Variants in STAC2 observed in about 807,000 individuals in gnomAD.
STAC2 encodes SH3 and cysteine rich domain 2, also known as SH3 and cysteine-rich domain-containing protein 2.
STAC2 carries 36 observed loss-of-function variants against 49.0 expected under a neutral mutation model. That is an observed-to-expected ratio of 0.74 (90% CI 0.56 to 0.97). The LOEUF is 0.97. Among genes scored for constraint, STAC2 ranks in the 50% least tolerant of loss-of-function variants. The pLI is 0.00. For synonymous variants in STAC2, 239 were observed against 214.7 expected (o/e 1.11, Z -0.99); for missense variants, 527 against 543.8 (o/e 0.97, Z 0.31).
rs1352975594 is a variant in STAC2, at chr17:39,217,888, G to C, written c.376C>G (p.Leu126Val). ...CTACCTACGATGAGCTGGTGGCACA[G>C]CTCACAAGGGCTAGCTCGCTTGAAG... is the stretch of plus-strand genomic sequence containing the variant. ...HVFKRASPCELCHQLIVGNSK... is the reference protein window; with the variant it reads ...HVFKRASPCEVCHQLIVGNSK... Residue 126 changes from leucine to valine, a missense_variant, in exon 2 of 11, where the codon CTG becomes GTG. Transcript: ENST00000333461. The C allele has an allele frequency of 1.2e-6, 2 of 1,605,606 alleles. No homozygotes were observed. Among genetic ancestry groups the C allele is most frequent in the Non-Finnish European group, 1.7e-6 (2 of 1,176,784 alleles).
intron 10 of STAC2, 78 bp downstream of exon 10, chr17:39,212,917 A>AC (rs888455313): frequency 2.5e-5 from 39 of 1,566,416 alleles, no homozygotes; most frequent in South Asian, 9.3e-5. Flanking sequence ...CAGAGCATTT[A>AC]CCCCCGCACC....
chr17:39,220,532 T>C (rs1567833862), intron 1 of STAC2, among the ~76,000 whole-genome samples: 1 of 151,788 alleles, frequency 6.6e-6, no homozygotes. Context: ...TGGAGTGCAG[T>C]GGCACGATCT....
At chr17:39,223,839 G>C (rs1381037713) in intron 1 of STAC2, among the ~76,000 whole-genome samples, 1 of 152,170 alleles carries the variant, frequency 6.6e-6, no homozygotes, top group Non-Finnish European at 1.5e-5. Flanking sequence ...TCAGCTCCTA[G>C]ACCTTCTGCT....
chr17:39,225,370 C>G lies in STAC2; in HGVS notation c.90+43G>C, dbSNP rs763518634. 4 of 1,540,252 alleles carry G rather than the reference C, an allele frequency of 2.6e-6. No homozygotes were observed. Among genetic ancestry groups the G allele is most frequent in the Non-Finnish European group, 3.5e-6 (4 of 1,147,260 alleles). On this transcript the variant is annotated intron_variant, in intron 1 of 10. Coordinates refer to ENST00000333461, the MANE Select transcript of STAC2 (RefSeq NM_198993.5). This position sits in a 1 kb window ranked among gnomAD's most constrained non-coding sequence, Gnocchi z 8.2. ...GGAGGACCCCGCCGGGAAGAGGGCG[C>G]CCGGGCCCGGGGCGCGGACAGGCCT...
chr17:39,224,656 G>C (rs1005246438), intron 1 of STAC2, among the ~76,000 whole-genome samples: 2 of 152,188 alleles, frequency 1.3e-5, no homozygotes, highest in South Asian at 4.1e-4. Context: ...CATTAATTAC[G>C]ATGACTTCTC....
intron 7 of STAC2, 144 bp downstream of exon 7, chr17:39,214,647 C>G (rs2046384565): frequency 8.6e-7 from 1 of 1,167,568 alleles, no homozygotes; most frequent in Admixed American, 2.4e-5. Flanking sequence ...CCCTCTCATC[C>G]TGGCATTGCC....
chr17:39,211,716 T>G lies in STAC2; in HGVS notation c.*576A>C, dbSNP rs945830208. ...GATTCCTGCAAAACTTTCCTGAGAA[T>G]TGACGGAATGACAGAGGTGGAGACC... is the stretch of plus-strand genomic sequence containing the variant. On this transcript the variant is annotated 3_prime_UTR_variant, in exon 11 of 11. Transcript: ENST00000333461. 1.3e-5 allele frequency: 2 copies of G among 152,734 alleles called. No individual in the cohort carries two copies. Among genetic ancestry groups the G allele is most frequent in the Non-Finnish European group, 2.9e-5 (2 of 68,064 alleles). The allele number at this position is 152,734 out of a possible 1,614,324, so 9.5% of individuals were successfully genotyped here.
chr17:39,224,212 C>A (rs915249662), intron 1 of STAC2, among the ~76,000 whole-genome samples: 12 of 152,206 alleles, frequency 7.9e-5, no homozygotes, highest in Admixed American at 6.5e-4. Context: ...TGGAAAGAAG[C>A]CTAGCGAACC....
At position 39,225,511 on chromosome 17, in the gene STAC2, G is replaced by A. The variant is rs745597212; in HGVS notation, c.-9C>T. On this transcript the variant is annotated 5_prime_UTR_variant, in exon 1 of 11. Transcript: ENST00000333461. The surrounding 1 kb of genome is among the most constrained non-coding windows in gnomAD (Gnocchi z 8.2). ...TCGCTCATCTCGGTCATGGTTCGGG[G>A]AGAGGGGAGGAGAGGGTGCCGAGAT... 79 of 1,609,090 alleles carry A rather than the reference G, an allele frequency of 4.9e-5. No individual in the cohort carries two copies. Among genetic ancestry groups the A allele is most frequent in the Non-Finnish European group, 6.4e-5 (75 of 1,178,502 alleles).
chr17:39,215,382 A>T, intron 4 of STAC2, 152 bp from the exon 5 acceptor site: 3 of 743,484 alleles, frequency 4.0e-6, no homozygotes. Context: ...GGGTCCTCCC[A>T]TGGTGCCCAT....
Position 39,218,175 on chromosome 17 carries a change from T to C in STAC2, c.91-2A>G. 1.2e-6 allele frequency: 2 copies of C among 1,612,598 alleles called. No individual in the cohort carries two copies. Among genetic ancestry groups the C allele is most frequent in the Non-Finnish European group, 1.7e-6 (2 of 1,179,874 alleles). ...GAGGGAGCGCTTGAATCGCTGGAGC[T>C]GGGAGAAAAAGAGGGAGCTGTGAGT... On this transcript the variant is annotated splice_acceptor_variant, in intron 1 of 10. Coordinates refer to ENST00000333461, the MANE Select transcript of STAC2 (RefSeq NM_198993.5). LOFTEE classifies it high-confidence loss of function.
At chr17:39,218,583 C>A (rs143523902) in intron 1 of STAC2, among the ~76,000 whole-genome samples, 3 of 152,092 alleles carry the variant, frequency 2.0e-5, no homozygotes, top group South Asian at 4.1e-4. Flanking sequence ...TGGTTTAATT[C>A]CATTTTTCTT....
rs1342146580 is a variant in STAC2 at position 39,217,983 on chromosome 17, G to A, written c.281C>T (p.Ser94Phe). Residue 94 changes from serine (S) to phenylalanine (F), a missense_variant, in exon 2 of 11, where the codon TCC (serine) becomes TTC (phenylalanine). Coordinates refer to ENST00000333461, the MANE Select transcript of STAC2 (RefSeq NM_198993.5). Reference sequence around the variant, plus strand: ...CAGGGGGCGTGGGACTGGGCATGGGGAGGGGGATGGGGTAGCCAGGCCCCT... The same window carrying A: ...CAGGGGGCGTGGGACTGGGCATGGGAAGGGGGATGGGGTAGCCAGGCCCCT... ...SDRGLATPSP[S>F]PCPVPRPLAA... 6.3e-7 allele frequency: 1 copy of A among 1,587,960 alleles called. No homozygotes were observed.
intron 1 of STAC2, among the ~76,000 whole-genome samples, chr17:39,220,860 A>G (rs774081244): frequency 5.4e-5 from 8 of 149,054 alleles, no homozygotes; most frequent in Non-Finnish European, 1.2e-4. Flanking sequence ...GCAGTGGTGC[A>G]ATCTTGGCTC....
chr17:39,213,932 C>T (rs2046377633), intron 8 of STAC2, among the ~76,000 whole-genome samples: 1 of 152,156 alleles, frequency 6.6e-6, no homozygotes, highest in Admixed American at 6.5e-5. Context: ...CAGCCTCAGC[C>T]TCCCAAAGTG....
In STAC2 at chr17:39,225,322, AC is replaced by A. The variant is rs2046501837; in HGVS notation, c.90+90del. 1 of 1,138,916 alleles carries A rather than the reference AC, an allele frequency of 8.8e-7. No homozygotes were observed. Among genetic ancestry groups the A allele is most frequent in the East Asian group, 2.8e-5 (1 of 35,166 alleles). The allele number at this position is 1,138,916 out of a possible 1,614,324, so 70.6% of individuals were successfully genotyped here. A position where few individuals can be genotyped will look rare whatever the true frequency, so the allele number is the denominator to read the frequency against. On this transcript the variant is annotated intron_variant, in intron 1 of 10. Transcript: ENST00000333461. This position sits in a 1 kb window ranked among gnomAD's most constrained non-coding sequence, Gnocchi z 8.2. ...TGGTCACGCGGGCCTCGCGACCGCG[AC>A]CCTAGGACGCCCGGGCCCACAGGAG...
chr17:39,214,936 C>A lies in STAC2; in HGVS notation c.772+15G>T. On this transcript the variant is annotated intron_variant, in intron 6 of 10. Coordinates refer to ENST00000333461, the MANE Select transcript of STAC2 (RefSeq NM_198993.5). ...TTGTACCCCATTCCTGCCCTTGATG[C>A]CCACCACCACTCACCACTGTCACCA... is the stretch of plus-strand genomic sequence containing the variant. The A allele has an allele frequency of 1.2e-6, 2 of 1,614,028 alleles. No individual in the cohort carries two copies. Among genetic ancestry groups the A allele is most frequent in the South Asian group, 2.2e-5 (2 of 91,068 alleles).
chr17:39,225,258 C>A lies in STAC2; in HGVS notation c.90+155G>T, dbSNP rs530371463. Among the ~76,000 whole-genome samples, 1 of 152,162 alleles carries A rather than the reference C, an allele frequency of 6.6e-6. No individual in the cohort carries two copies. Among genetic ancestry groups the A allele is most frequent in the Non-Finnish European group, 1.5e-5 (1 of 67,990 alleles). On this transcript the variant is annotated intron_variant, in intron 1 of 10. Transcript: ENST00000333461. This position sits in a 1 kb window ranked among gnomAD's most constrained non-coding sequence, Gnocchi z 8.2. ...GGGGCTCCTTGTGGCCCCTCGTCGCCAACCCACTCCTACCCCCGGGAGCGG... is the reference window on the plus strand; with the variant it reads ...GGGGCTCCTTGTGGCCCCTCGTCGCAAACCCACTCCTACCCCCGGGAGCGG...
Position 39,217,955 on chromosome 17 carries a change from T to G in STAC2, c.309A>C (p.Ala103=), listed in dbSNP as rs772356292. ...PSPCPVPRPL[A]ALKPVRLHSF... Reference sequence around the variant, plus strand: ...TGTGCAGCCTCACTGGTTTGAGCGCTGCCAGGGGGCGTGGGACTGGGCATG... The same window carrying G: ...TGTGCAGCCTCACTGGTTTGAGCGCGGCCAGGGGGCGTGGGACTGGGCATG... The change falls in exon 2 of 11, where the codon GCA becomes GCC. Residue 103 remains alanine, a synonymous_variant. Transcript: ENST00000333461. 25 of 1,588,194 alleles carry G rather than the reference T, an allele frequency of 1.6e-5. 1 individual carries two copies. In the South Asian group the frequency reaches 2.8e-4, roughly 18 times the overall value.
Sources: allele counts gnomAD v4.1 joint callset (sites outside exome capture counted in the v4.1 genomes callset), GRCh38; gene constraint gnomAD v4.1.1; non-coding constraint Gnocchi (gnomAD v3.1); transcripts MANE v1.5; gene names NCBI Gene and HGNC (gene_info 2026-07-23, HGNC 2026-07-21).